PAPLN: variants seen among roughly 807,000 people sequenced by gnomAD.
PAPLN encodes papilin, proteoglycan like sulfated glycoprotein.
PAPLN carries 146 observed loss-of-function variants against 159.0 expected under a neutral mutation model. The ratio of observed to expected loss-of-function variants is 0.92; its 90% CI spans 0.80 to 1.05. PAPLN has a LOEUF of 1.05. Ranked by LOEUF, PAPLN falls within the 50% of genes least tolerant of loss-of-function variation. PAPLN has a pLI of 0.00. For missense variants in PAPLN, 1,720 were observed against 1,743.9 expected (o/e 0.99, Z 0.24); for synonymous variants, 734 against 702.9 (o/e 1.04, Z -0.70).
In PAPLN at chr14:73,264,290, A is replaced by C. The variant is rs774015571; in HGVS notation, c.2941A>C (p.Thr981Pro). 1.9e-6 allele frequency: 3 copies of C among 1,613,802 alleles called. No homozygotes were observed. Among genetic ancestry groups the C allele is most frequent in the Admixed American group, 3.3e-5 (2 of 59,996 alleles). The change falls in exon 21 of 27, where the codon ACC becomes CCC. Residue 981 changes from threonine (T) to proline (P), a missense_variant. Thr to Pro is a conservative substitution (Grantham distance 38). Transcript: ENST00000644200. ...EDAGTYSCGS[T>P]RPGRDSQKIQ... The stretch of plus-strand genomic sequence containing the variant: ...CGCGGGCACCTACAGCTGTGGCAGC[A>C]CCCGGCCAGGCCGCGACTCCCAGAA...
At chr14:73,243,348 CCTTGAGT>C (rs1432765250) in intron 2 of PAPLN, 10 of 152,278 alleles carry the variant, frequency 6.6e-5, no homozygotes, top group African/African-American at 2.2e-4. Context: ...TGGTATTTTT[CCTTGAGT>C]CTTAAGTGGT....
chr14:73,261,316 T>A (rs1341308940), intron 18 of PAPLN, 22 bp downstream of exon 18: 2 of 1,609,590 alleles, frequency 1.2e-6, no homozygotes, highest in Non-Finnish European at 1.7e-6. Context: ...CCCCCTCTCC[T>A]CCTTCTCGAT....
Position 73,254,997 on chromosome 14 carries a change from C to T in PAPLN, c.1606C>T (p.Gln536Ter), listed in dbSNP as rs140979962. Residue 536 changes from glutamine to a stop codon, truncating the protein, a stop_gained, in exon 14 of 27, where the codon CAG becomes TAG. Transcript: ENST00000644200. LOFTEE classifies it high-confidence loss of function. ...TGTGGATGTGGAGCCTTGTAACACGCAGCCCTGTCATCTCCCCCAGGGTAA... is the reference window on the plus strand; with the variant it reads ...TGTGGATGTGGAGCCTTGTAACACGTAGCCCTGTCATCTCCCCCAGGGTAA... Reference protein sequence around the residue: ...KPVDVEPCNTQPCHLPQEVPS... With the variant: ...KPVDVEPCNT 3.1e-6 allele frequency: 5 copies of T among 1,613,440 alleles called. No individual in the cohort carries two copies. The highest frequency in any genetic ancestry group is 4.2e-6 in the Non-Finnish European group (5 of 1,179,882).
intron 5 of PAPLN, among the ~76,000 whole-genome samples, chr14:73,247,520 A>ATG (rs758545965): frequency 6.3e-4 from 38 of 60,630 alleles, no homozygotes; most frequent in African/African-American, 7.0e-4. Context: ...TATCCTGTGT[A>ATG]TGTGTGTGTG....
At position 73,239,478 on chromosome 14, in the gene PAPLN, A is replaced by G. The variant is rs528601973; in HGVS notation, c.-6-295A>G. ...TTCTGAACTTGTTTTTCAACCACAT[A>G]GAAGTATTTTTAATTGCTCTCTCTT... On this transcript the variant is annotated intron_variant, in intron 1 of 26. Coordinates refer to ENST00000644200, the MANE Select transcript of PAPLN (RefSeq NM_001365906.3). 317 of 413,904 alleles carry G rather than the reference A, an allele frequency of 7.7e-4. 3 individuals carry two copies. The highest frequency in any genetic ancestry group is 5.8e-3 in the African/African-American group (277 of 48,028). The allele number at this position is 413,904 out of a possible 1,614,324, so 25.6% of individuals were successfully genotyped here.
chr14:73,245,274 T>C lies in PAPLN; in HGVS notation c.171-362T>C. The stretch of plus-strand genomic sequence containing the variant: ...GTGAGGAGGAATGAGAGACCAGGAA[T>C]GATCCTAAGAGCCTTATACTGATGT... On this transcript the variant is annotated intron_variant, in intron 3 of 26. Transcript: ENST00000644200. This position sits in a 1 kb window ranked among gnomAD's most constrained non-coding sequence, Gnocchi z 4.2. 1 of 256,308 alleles carries C rather than the reference T, an allele frequency of 3.9e-6. No homozygotes were observed. Among genetic ancestry groups the C allele is most frequent in the Non-Finnish European group, 7.6e-6 (1 of 130,914 alleles). The allele number at this position is 256,308 out of a possible 1,614,324, so 15.9% of individuals were successfully genotyped here. A position where few individuals can be genotyped will look rare whatever the true frequency, so the allele number is the denominator to read the frequency against.
intron 26 of PAPLN, among the ~76,000 whole-genome samples, chr14:73,269,751 G>GGGGA (rs1887535593): frequency 6.6e-6 from 1 of 152,184 alleles, no homozygotes; most frequent in South Asian, 2.1e-4. Context: ...ACAGACCTTG[G>GGGGA]GGGAGTATGC....
At chr14:73,239,515 TG>T in intron 1 of PAPLN, 1 of 527,908 alleles carries the variant, frequency 1.9e-6, no homozygotes, top group Non-Finnish European at 3.2e-6. Flanking sequence ...TTTTCCCCTC[TG>T]GAACTCTGAA....
At chr14:73,237,770 C>A (rs1883122640) in intron 1 of PAPLN, among the ~76,000 whole-genome samples, 178 bp downstream of exon 1, 2 of 152,094 alleles carry the variant, frequency 1.3e-5, no homozygotes, top group African/African-American at 4.8e-5. Flanking sequence ...AGGGTCATCG[C>A]TCGGCACCGC....
intron 14 of PAPLN, among the ~76,000 whole-genome samples, chr14:73,257,350 A>G (rs1376743561): frequency 6.6e-6 from 1 of 152,108 alleles, no homozygotes; most frequent in Non-Finnish European, 1.5e-5. Flanking sequence ...ACGCAAATAG[A>G]AGGGAAGGGC....
chr14:73,262,147 C>G (rs1886654083), intron 18 of PAPLN: 4 of 545,824 alleles, frequency 7.3e-6, no homozygotes. Flanking sequence ...GCTGTGGCAC[C>G]AGCCGGGGGC....
rs1349765091 is a variant in PAPLN, at chr14:73,264,234, C to A, written c.2885C>A (p.Ser962Tyr). Residue 962 changes from serine to tyrosine, a missense_variant, in exon 21 of 27, where the codon TCC (serine) becomes TAC (tyrosine). Transcript: ENST00000644200. Reference sequence around the variant, plus strand: ...AGGCACAGGCTGCAGTTCGACGGATCCCTGATCATCCACCCCCTGCAGGCA... The same window carrying A: ...AGGCACAGGCTGCAGTTCGACGGATACCTGATCATCCACCCCCTGCAGGCA... ...SDRHRLQFDG[S>Y]LIIHPLQAED... The A allele has an allele frequency of 2.5e-6, 4 of 1,613,820 alleles. No homozygotes were observed. In the African/African-American group the frequency reaches 5.3e-5, roughly 22 times the overall value.
At chr14:73,243,639 TGTG>T (rs1883854128) in intron 2 of PAPLN, 1 of 152,240 alleles carries the variant, frequency 6.6e-6, no homozygotes, top group African/African-American at 2.4e-5. Flanking sequence ...GTCGGGTTGT[TGTG>T]AGGATGAAAT....
rs1021037089 is a variant in PAPLN, at chr14:73,262,507, G to A, written c.2403G>A (p.Met801Ile). The change falls in exon 19 of 27, where the codon ATG becomes ATA. Residue 801 changes from methionine to isoleucine, a missense_variant. Physicochemically the swap from Met to Ile is conservative, Grantham distance 10. Transcript: ENST00000644200. ...ACTTTGCCTCGGAGCAAGAGTGCAT[G>A]AGCAGCTGCCAGGGATCTCTCCATG... is the stretch of plus-strand genomic sequence containing the variant. Reference protein sequence around the residue: ...ANNFASEQECMSSCQGSLHGP... With the variant: ...ANNFASEQECISSCQGSLHGP... 7 of 1,585,138 alleles carry A rather than the reference G, an allele frequency of 4.4e-6. No homozygotes were observed. The highest frequency in any genetic ancestry group is 1.8e-5 in the Admixed American group (1 of 54,922).
intron 23 of PAPLN, among the ~76,000 whole-genome samples, chr14:73,266,193 CCAGGCGTGG>C (rs1052090420): frequency 2.6e-5 from 4 of 152,236 alleles, no homozygotes; most frequent in African/African-American, 9.6e-5. Context: ...ACAAAAATAG[CCAGGCGTGG>C]TGGCACATGC....
At chr14:73,236,572 T>C (rs1883042032), upstream of PAPLN, among the ~76,000 whole-genome samples, 1 of 152,054 alleles carries the variant, frequency 6.6e-6, no homozygotes, top group African/African-American at 2.4e-5. Flanking sequence ...ATCCCAGCAC[T>C]TTGGGAGTCC....
At chr14:73,264,109 G>T in intron 20 of PAPLN, 102 bp from the exon 21 acceptor site, 1 of 1,593,376 alleles carries the variant, frequency 6.3e-7, no homozygotes, top group Admixed American at 1.7e-5. Flanking sequence ...AGGGTGCTCT[G>T]TAGACTCTGG....
intron 26 of PAPLN, among the ~76,000 whole-genome samples, chr14:73,269,021 C>T (rs1295060540): frequency 6.6e-6 from 1 of 152,128 alleles, no homozygotes; most frequent in East Asian, 1.9e-4. Context: ...TCAGACTCAC[C>T]GATTTTGAGA....
chr14:73,250,955 T>A lies in PAPLN; in HGVS notation c.514T>A (p.Cys172Ser). ...ELDSSKQEDK[C>S]LRCGGDGTTC... ...GGACTCGTCCAAGCAGGAGGACAAG[T>A]GTCTGCGGTGTGGGGGTGACGGCAC... The change falls in exon 7 of 27, where the codon TGT (cysteine) becomes AGT (serine). Residue 172 changes from cysteine (C) to serine (S), a missense_variant. Coordinates refer to ENST00000644200, the MANE Select transcript of PAPLN (RefSeq NM_001365906.3). The A allele has an allele frequency of 6.2e-7, 1 of 1,613,802 alleles. No homozygotes were observed. Among genetic ancestry groups the A allele is most frequent in the South Asian group, 1.1e-5 (1 of 91,074 alleles).
Sources: allele counts gnomAD v4.1 joint callset (sites outside exome capture counted in the v4.1 genomes callset), GRCh38; gene constraint gnomAD v4.1.1; non-coding constraint Gnocchi (gnomAD v3.1); transcripts MANE v1.5; gene names NCBI Gene and HGNC (gene_info 2026-07-23, HGNC 2026-07-21).